PCNT: variants seen among roughly 807,000 people sequenced by gnomAD.
PCNT encodes kendrin.
A neutral mutation model predicts 380.4 loss-of-function variants in PCNT; 319 were observed. That is an observed-to-expected ratio of 0.84 (90% CI 0.77 to 0.92). The LOEUF is 0.92. PCNT is among the 40% of genes least tolerant of loss of function. The probability of loss-of-function intolerance (pLI) is 0.00; values close to 1 mark genes in which losing one functional copy is unlikely to be tolerated. For missense variants in PCNT, 4,400 were observed against 4,255.3 expected, an observed-to-expected ratio of 1.03 and a Z score of -0.95; for synonymous variants, 1,845 against 1,735.2, an observed-to-expected ratio of 1.06 and a Z score of -1.57.
At chr21:46,397,592 T>C (rs1225309586) in intron 22 of PCNT, 98 bp downstream of exon 22, 1 of 1,043,972 alleles carries the variant, frequency 9.6e-7, no homozygotes, top group African/African-American at 1.6e-5. Flanking sequence ...TGCAGTAGGA[T>C]GTTGAAGAGG....
chr21:46,393,596 AG>A (rs1569244891), intron 21 of PCNT, among the ~76,000 whole-genome samples: 1 of 152,168 alleles, frequency 6.6e-6, no homozygotes, highest in African/African-American at 2.4e-5. Context: ...GACTTCAGCC[AG>A]TCACTTCGTT....
intron 10 of PCNT, 68 bp from the exon 11 acceptor site, chr21:46,353,919 G>A (rs943204130): frequency 2.4e-5 from 32 of 1,358,472 alleles, no homozygotes; most frequent in East Asian, 4.7e-5. Context: ...TCGGTCCTGG[G>A]GAGGGAATGG....
chr21:46,393,633 G>A (rs2086111250), intron 21 of PCNT, among the ~76,000 whole-genome samples: 2 of 152,300 alleles, frequency 1.3e-5, no homozygotes, highest in South Asian at 2.1e-4. Context: ...CAGATAAAGG[G>A]GTGTGTGGCC....
chr21:46,395,263 T>C (rs1601948120), intron 21 of PCNT, among the ~76,000 whole-genome samples: 2 of 152,352 alleles, frequency 1.3e-5, no homozygotes, highest in African/African-American at 4.8e-5. Context: ...TCAGTTAACA[T>C]GTATGAATTT....
chr21:46,424,256 T>G (rs995053037), intron 32 of PCNT, among the ~76,000 whole-genome samples: 1 of 152,206 alleles, frequency 6.6e-6, no homozygotes, highest in East Asian at 1.9e-4. Context: ...TGCCTGGAAT[T>G]GAGCCATAAG....
intron 2 of PCNT, among the ~76,000 whole-genome samples, chr21:46,334,190 G>A (rs1480346093): frequency 1.4e-5 from 2 of 147,894 alleles, no homozygotes; most frequent in Non-Finnish European, 3.0e-5. Context: ...GGGCGACAGA[G>A]CAAGACTCCG....
In PCNT at chr21:46,391,253, C is replaced by T. The variant is rs765239781; in HGVS notation, c.4093C>T (p.Leu1365=). 9 of 1,602,866 alleles carry T rather than the reference C, an allele frequency of 5.6e-6. No individual in the cohort carries two copies. The Middle Eastern group carries it at 8.3e-4, about 148-fold the overall frequency. Residue 1365 remains leucine (L), a synonymous_variant, in exon 21 of 47, where the codon CTG becomes TTG. Coordinates refer to ENST00000359568, the MANE Select transcript of PCNT (RefSeq NM_006031.6). The stretch of plus-strand genomic sequence containing the variant: ...TTCCGAGCACCGTCTGGTGCTGGAG[C>T]TGGAGAGCCTGAGACGGCAGCTGCA... The part of the protein sequence containing the change: ...EDSEHRLVLE[L]ESLRRQLQQA...
intron 2 of PCNT, 33 bp downstream of exon 2, chr21:46,326,622 C>A: frequency 6.3e-7 from 1 of 1,581,124 alleles, no homozygotes; most frequent in Non-Finnish European, 8.7e-7. Flanking sequence ...TTGAACATTT[C>A]GCTTATCTTC....
At chr21:46,372,199 CAGAG>C (rs757289509) in intron 15 of PCNT, among the ~76,000 whole-genome samples, 14 of 150,446 alleles carry the variant, frequency 9.3e-5, no homozygotes, top group Non-Finnish European at 1.5e-4. Flanking sequence ...AGCACACACA[CAGAG>C]AGCACATGCA....
At chr21:46,337,869 C>T (rs2083801032) in intron 3 of PCNT, among the ~76,000 whole-genome samples, 1 of 152,044 alleles carries the variant, frequency 6.6e-6, no homozygotes. Flanking sequence ...CAGGCATGAG[C>T]CACCGCGCAG....
intron 2 of PCNT, among the ~76,000 whole-genome samples, chr21:46,334,019 A>T (rs2083646064): frequency 1.3e-5 from 2 of 152,084 alleles, no homozygotes; most frequent in East Asian, 3.9e-4. Flanking sequence ...ATCTTGGCTA[A>T]CATGGTGAAA....
In PCNT at chr21:46,387,849, C is replaced by T. The variant is rs553894736; in HGVS notation, c.3465-893C>T. Among the ~76,000 whole-genome samples, 33 of 152,200 alleles carry T rather than the reference C, an allele frequency of 2.2e-4. No individual in the cohort carries two copies. The East Asian group carries it at 6.2e-3, about 29-fold the overall frequency. The stretch of plus-strand genomic sequence containing the variant: ...GCCTGTCCTCAGCGGCGTCACAGCT[C>T]CTAAATCATAGTGCAGGGAGCGAGA... On this transcript the variant is annotated intron_variant, in intron 17 of 46. Coordinates refer to ENST00000359568, the MANE Select transcript of PCNT (RefSeq NM_006031.6).
chr21:46,437,112 C>G (rs1322433339), intron 40 of PCNT, 31 bp downstream of exon 40: 1 of 1,497,072 alleles, frequency 6.7e-7, no homozygotes, highest in African/African-American at 1.4e-5. Flanking sequence ...GGTCCCTGGC[C>G]TGGCTCCTCC....
chr21:46,418,687 G>A (rs1459590607), intron 31 of PCNT, among the ~76,000 whole-genome samples: 3 of 152,246 alleles, frequency 2.0e-5, no homozygotes, highest in East Asian at 3.8e-4. Context: ...CTGGGGCGGT[G>A]CACGCCATGT....
At chr21:46,386,195 C>T (rs951324966) in intron 17 of PCNT, among the ~76,000 whole-genome samples, 4 of 152,216 alleles carry the variant, frequency 2.6e-5, no homozygotes, top group African/African-American at 9.6e-5. Flanking sequence ...ATCTCCCAGC[C>T]CCCGTGCCCT....
intron 1 of PCNT, among the ~76,000 whole-genome samples, chr21:46,324,500 G>A (rs1601724443): frequency 6.6e-6 from 1 of 151,256 alleles, no homozygotes; most frequent in South Asian, 2.1e-4. Context: ...CGCGGCCACA[G>A]CCAATCAGCG....
At chr21:46,405,918 T>C (rs1038642279) in intron 27 of PCNT, among the ~76,000 whole-genome samples, 1 of 152,240 alleles carries the variant, frequency 6.6e-6, no homozygotes, top group African/African-American at 2.4e-5. Context: ...CTTACAGATA[T>C]GTGCAAATTC....
At chr21:46,408,619 A>G (rs1242998700) in intron 27 of PCNT, among the ~76,000 whole-genome samples, 1 of 150,994 alleles carries the variant, frequency 6.6e-6, no homozygotes, top group Non-Finnish European at 1.5e-5. Context: ...TATATCCTAG[A>G]GTTTTGTATT....
At position 46,349,736 on chromosome 21, in the gene PCNT, T is replaced by TG. The variant is rs1194229186; in HGVS notation, c.1261dup (p.Glu421GlyfsTer37). On this transcript the variant is annotated frameshift_variant, in exon 8 of 47. Transcript: ENST00000359568. LOFTEE classifies it high-confidence loss of function. Reference sequence around the variant, plus strand: ...ATCAAGCAGCCATTGAGAAGTTACGTGAAGACCTGCAGTCCGAGCACGGCC... The same window carrying TG: ...ATCAAGCAGCCATTGAGAAGTTACGTGGAAGACCTGCAGTCCGAGCACGGCC... 3 of 1,613,854 alleles carry TG rather than the reference T, an allele frequency of 1.9e-6. No homozygotes were observed. The African/African-American group carries it at 4.0e-5, about 22-fold the overall frequency.
Sources: gnomAD v4.1 joint callset for allele counts (sites outside exome capture counted in the v4.1 genomes callset) on GRCh38, gnomAD v4.1.1 for gene constraint, MANE v1.5 for transcripts, NCBI Gene and HGNC (gene_info 2026-07-23, HGNC 2026-07-21) for gene names.